HS6ST3: variants seen among roughly 807,000 people sequenced by gnomAD.
HS6ST3 encodes the protein heparan sulfate 6-O-sulfotransferase 3.
A neutral mutation model predicts 36.7 loss-of-function variants in HS6ST3; 12 were observed. The observed-to-expected ratio is 0.33, with a 90% CI of 0.21 to 0.53. HS6ST3 has a LOEUF of 0.53. HS6ST3 is among the 20% of genes least tolerant of loss of function. The pLI, the probability that HS6ST3 is intolerant of heterozygous loss-of-function variation, is 0.95. For missense variants in HS6ST3, 584 were observed against 640.9 expected (o/e 0.91, Z 0.96); for synonymous variants, 240 against 257.5 (o/e 0.93, Z 0.65).
chr13:96,435,947 C>G (rs897138281), intron 1 of HS6ST3, among the ~76,000 whole-genome samples: 3 of 152,182 alleles, frequency 2.0e-5, no homozygotes, highest in African/African-American at 7.2e-5. Flanking sequence ...CTCCCAAGTG[C>G]CATGTCACGT....
chr13:96,499,948 A>G (rs554572170), intron 1 of HS6ST3, among the ~76,000 whole-genome samples: 3 of 152,348 alleles, frequency 2.0e-5, no homozygotes, highest in African/African-American at 7.2e-5. Context: ...TGATTCATAT[A>G]TCATAAAATT....
chr13:96,787,014 C>A (rs1877669777), intron 1 of HS6ST3, among the ~76,000 whole-genome samples: 1 of 152,112 alleles, frequency 6.6e-6, no homozygotes, highest in East Asian at 1.9e-4. Flanking sequence ...TTTCACATAG[C>A]ATATTTCCCT....
chr13:96,513,235 A>G (rs2056058072), intron 1 of HS6ST3, among the ~76,000 whole-genome samples: 1 of 150,686 alleles, frequency 6.6e-6, no homozygotes, highest in East Asian at 1.9e-4. Context: ...GTGACTTTCC[A>G]CAATATATTT....
chr13:96,619,182 G>A (rs920871905), intron 1 of HS6ST3, among the ~76,000 whole-genome samples: 3 of 152,188 alleles, frequency 2.0e-5, no homozygotes, highest in East Asian at 3.9e-4. Context: ...GACACTTAAG[G>A]TTACATTTTC....
In HS6ST3 at chr13:96,091,174, G is replaced by A. The variant is rs754095322; in HGVS notation, c.312G>A (p.Glu104=). Residue 104 remains glutamate (E), a synonymous_variant, in exon 1 of 2, where the codon GAG becomes GAA. Coordinates refer to ENST00000376705, the MANE Select transcript of HS6ST3 (RefSeq NM_153456.4). ...GAGACCCCCGGGAGGGGGAGGAAGA[G>A]GAGGAGGAAGACGAGCCGGACCCCG... is the stretch of plus-strand genomic sequence containing the variant. The part of the protein sequence containing the change: ...EPGDPREGEE[E]EEEDEPDPEA... 5.8e-6 allele frequency: 9 copies of A among 1,549,570 alleles called. No individual in the cohort carries two copies. The highest frequency in any genetic ancestry group is 1.4e-5 in the African/African-American group (1 of 73,000).
rs191383182 is a variant in HS6ST3, at chr13:96,209,657, C to T, written c.707+118088C>T. Among the ~76,000 whole-genome samples, 22 of 152,280 alleles carry T rather than the reference C, an allele frequency of 1.4e-4. No homozygotes were observed. The East Asian group carries it at 3.5e-3, about 24-fold the overall frequency. On this transcript the variant is annotated intron_variant, in intron 1 of 1. Coordinates refer to ENST00000376705, the MANE Select transcript of HS6ST3 (RefSeq NM_153456.4). ...GTGGTGACCCCTGCCACCTGCCCCA[C>T]CTCTCATGCCACCCACCCATCCAGG...
At chr13:96,236,684 C>T (rs890137114) in intron 1 of HS6ST3, among the ~76,000 whole-genome samples, 2 of 152,158 alleles carry the variant, frequency 1.3e-5, no homozygotes, top group African/African-American at 4.8e-5. Context: ...ACAAGAGGTG[C>T]CAAGATTTAA....
chr13:96,693,214 C>G (rs1444227613), intron 1 of HS6ST3, among the ~76,000 whole-genome samples: 1 of 152,140 alleles, frequency 6.6e-6, no homozygotes, highest in African/African-American at 2.4e-5. Flanking sequence ...AAACAGATCC[C>G]AAGCTCATCA....
chr13:96,819,629 C>T (rs1210778372), intron 1 of HS6ST3, among the ~76,000 whole-genome samples: 1 of 152,148 alleles, frequency 6.6e-6, no homozygotes, highest in Non-Finnish European at 1.5e-5. Context: ...ATAAGCACCT[C>T]GCATAGTGTT....
At chr13:96,203,817 A>C (rs995156514) in intron 1 of HS6ST3, among the ~76,000 whole-genome samples, 1 of 152,222 alleles carries the variant, frequency 6.6e-6, no homozygotes, top group South Asian at 2.1e-4. Flanking sequence ...AAAGTAAGGA[A>C]ATACCATTCC....
At chr13:96,290,767 A>C (rs1473513411) in intron 1 of HS6ST3, among the ~76,000 whole-genome samples, 1 of 152,134 alleles carries the variant, frequency 6.6e-6, no homozygotes, top group East Asian at 1.9e-4. Flanking sequence ...TTTTAGCGAA[A>C]AAGCTAAAGT....
intron 1 of HS6ST3, among the ~76,000 whole-genome samples, chr13:96,712,762 C>G (rs1875593938): frequency 6.6e-6 from 1 of 152,028 alleles, no homozygotes; most frequent in African/African-American, 2.4e-5. Context: ...AAATTCTGGT[C>G]TACGGCTCCC....
chr13:96,286,335 C>T (rs2054802279), intron 1 of HS6ST3, among the ~76,000 whole-genome samples: 2 of 152,132 alleles, frequency 1.3e-5, no homozygotes, highest in South Asian at 4.1e-4. Context: ...CTGAGTTACC[C>T]CTCTTTCTCT....
intron 1 of HS6ST3, among the ~76,000 whole-genome samples, chr13:96,752,045 G>A (rs1324362633): frequency 6.6e-6 from 1 of 151,980 alleles, no homozygotes; most frequent in African/African-American, 2.4e-5. Flanking sequence ...TCCTTCCAAT[G>A]TAACTACTAT....
rs144674326 is a variant in HS6ST3, at chr13:96,239,083, T to C, written c.707+147514T>C. Among the ~76,000 whole-genome samples, 735 of 152,304 alleles carry C rather than the reference T, an allele frequency of 4.8e-3. 3 individuals are homozygous for C. Among genetic ancestry groups the C allele is most frequent in the Non-Finnish European group, 8.9e-3 (608 of 68,018 alleles). ...TCAGAGTTCTGTATTCTGTTCCTTATATGGGAGACCTTATCCTTACAAAAT... is the reference window on the plus strand; with the variant it reads ...TCAGAGTTCTGTATTCTGTTCCTTACATGGGAGACCTTATCCTTACAAAAT... On this transcript the variant is annotated intron_variant, in intron 1 of 1. Transcript: ENST00000376705.
chr13:96,638,556 A>G (rs2056557746), intron 1 of HS6ST3, among the ~76,000 whole-genome samples: 1 of 151,914 alleles, frequency 6.6e-6, no homozygotes, highest in African/African-American at 2.4e-5. Context: ...AGTTACCCCT[A>G]TGCTGCTGTT....
intron 1 of HS6ST3, among the ~76,000 whole-genome samples, chr13:96,799,962 ATG>A (rs138509228): frequency 0.02 from 1,375 of 69,272 alleles, 102 homozygotes; most frequent in African/African-American, 0.11. Context: ...ATATATATAT[ATG>A]TGTATATATA....
intron 1 of HS6ST3, among the ~76,000 whole-genome samples, chr13:96,293,006 T>A (rs2054837671): frequency 1.3e-5 from 2 of 152,086 alleles, no homozygotes; most frequent in African/African-American, 4.8e-5. Flanking sequence ...GGTTTCTCTT[T>A]AGAAATGAGA....
chr13:96,392,974 T>A lies in HS6ST3; in HGVS notation c.707+301405T>A, dbSNP rs889439127. On this transcript the variant is annotated intron_variant, in intron 1 of 1. Coordinates refer to ENST00000376705, the MANE Select transcript of HS6ST3 (RefSeq NM_153456.4). The stretch of plus-strand genomic sequence containing the variant: ...TGTAGCTCCCATAATTCCTACCTGC[T>A]ATGGGAGGGACCTGGTGGGAGATGA... Among the ~76,000 whole-genome samples, 9 of 152,286 alleles carry A rather than the reference T, an allele frequency of 5.9e-5. No individual in the cohort carries two copies. The East Asian group carries it at 1.2e-3, about 20-fold the overall frequency.
Sources: gnomAD v4.1 joint callset for allele counts (sites outside exome capture counted in the v4.1 genomes callset) on GRCh38, gnomAD v4.1.1 for gene constraint, MANE v1.5 for transcripts, NCBI Gene and HGNC (gene_info 2026-07-23, HGNC 2026-07-21) for gene names.